Variants in PSMD13 observed in about 807,000 individuals in gnomAD.
PSMD13 encodes the protein 26S proteasome non-ATPase regulatory subunit 13.
Under a neutral mutation model 57.4 loss-of-function variants are expected in PSMD13, and 8 were observed. The observed-to-expected ratio is 0.14, with a 90% CI of 0.08 to 0.25. PSMD13 has a LOEUF of 0.25. Among genes scored for constraint, PSMD13 ranks in the 10% least tolerant of loss-of-function variants. PSMD13 has a pLI of 1.00. For synonymous variants in PSMD13, 193 were observed against 168.2 expected (o/e 1.15, Z -1.14); for missense variants, 400 against 461.5 (o/e 0.87, Z 1.22).
chr11:238,441 C>T (rs1859433017), intron 1 of PSMD13, among the ~76,000 whole-genome samples: 1 of 152,232 alleles, frequency 6.6e-6, no homozygotes, highest in Non-Finnish European at 1.5e-5. Flanking sequence ...AGGTTTATCA[C>T]ATCTGCTTTA....
At chr11:237,944 G>C (rs566831909) in intron 1 of PSMD13, among the ~76,000 whole-genome samples, 1 of 152,322 alleles carries the variant, frequency 6.6e-6, no homozygotes, top group Admixed American at 6.5e-5. Flanking sequence ...CTTTCACATA[G>C]ATGTTCCATA....
chr11:243,614 G>T (rs897659962), intron 2 of PSMD13: 30 of 372,986 alleles, frequency 8.0e-5, no homozygotes, highest in Non-Finnish European at 1.5e-4. Flanking sequence ...GTCCTGGTAG[G>T]CTGGGGACCA....
At chr11:243,628 G>A (rs993418660) in intron 2 of PSMD13, 6 of 371,264 alleles carry the variant, frequency 1.6e-5, no homozygotes, top group Non-Finnish European at 2.6e-5. Context: ...GGGACCACAC[G>A]GCAGCGCAGG....
At position 250,825 on chromosome 11, in the gene PSMD13, C is replaced by T; in HGVS notation, c.797C>T (p.Ala266Val). ...CAGCCTGATTTAGCAGCTAATGAAG[C>T]CCAGCTTCTGAGGAAAATTCAGTTG... ...GQQPDLAANE[A>V]QLLRKIQLLC... Residue 266 changes from alanine to valine, a missense_variant, in exon 10 of 13, where the codon GCC becomes GTC. By Grantham distance (64) the Ala-to-Val change is moderately conservative. Coordinates refer to ENST00000532097, the MANE Select transcript of PSMD13 (RefSeq NM_002817.4). The T allele has an allele frequency of 1.2e-6, 2 of 1,613,986 alleles. No homozygotes were observed. The highest frequency in any genetic ancestry group is 1.7e-6 in the Non-Finnish European group (2 of 1,179,950).
intron 1 of PSMD13, 37 bp from the exon 2 acceptor site, chr11:238,961 A>T (rs200854867): frequency 1.3e-6 from 2 of 1,572,030 alleles, no homozygotes; most frequent in East Asian, 4.5e-5. Flanking sequence ...GTGACTGGAT[A>T]TTAGGTTAGA....
chr11:251,686 C>T lies in PSMD13; in HGVS notation c.918+60C>T. The T allele has an allele frequency of 6.4e-7, 1 of 1,560,812 alleles. No individual in the cohort carries two copies. The highest frequency in any genetic ancestry group is 8.8e-7 in the Non-Finnish European group (1 of 1,134,522). On this transcript the variant is annotated intron_variant, in intron 11 of 12. Coordinates refer to ENST00000532097, the MANE Select transcript of PSMD13 (RefSeq NM_002817.4). The surrounding 1 kb of genome is among the most constrained non-coding windows in gnomAD (Gnocchi z 4.6). ...AAGCTGCCACATGGAGGAGTCAAGGCTCTTGTGTGAGCGCTGTGCTCCCTA... is the reference window on the plus strand; with the variant it reads ...AAGCTGCCACATGGAGGAGTCAAGGTTCTTGTGTGAGCGCTGTGCTCCCTA...
chr11:252,842 G>A lies in PSMD13; in HGVS notation c.*242G>A, dbSNP rs538884382. The A allele has an allele frequency of 3.8e-5, 18 of 469,606 alleles. No individual in the cohort carries two copies. The highest frequency in any genetic ancestry group is 2.7e-4 in the African/African-American group (14 of 51,702). The allele number at this position is 469,606 out of a possible 1,614,324, so 29.1% of individuals were successfully genotyped here. A position where few individuals can be genotyped will look rare whatever the true frequency, so the allele number is the denominator to read the frequency against. On this transcript the variant is annotated 3_prime_UTR_variant, in exon 13 of 13. Transcript: ENST00000532097. This position sits in a 1 kb window ranked among gnomAD's most constrained non-coding sequence, Gnocchi z 4.1. Reference sequence around the variant, plus strand: ...GGGGTCTCAGGGTCTTAGGTGATACGGGAGAGAAAGAACGTGCCAGGCAGG... The same window carrying A: ...GGGGTCTCAGGGTCTTAGGTGATACAGGAGAGAAAGAACGTGCCAGGCAGG...
In PSMD13 at chr11:252,797, G is replaced by A; in HGVS notation, c.*197G>A. The A allele has an allele frequency of 1.8e-6, 1 of 564,058 alleles. No individual in the cohort carries two copies. The highest frequency in any genetic ancestry group is 3.0e-5 in the East Asian group (1 of 33,442). The allele number at this position is 564,058 out of a possible 1,614,324, so 34.9% of individuals were successfully genotyped here. ...GCCACAGGGAGGAGGCTTCTTTGTG[G>A]GTCTCTCCTGCAGAGGGTGGGGGTC... is the stretch of plus-strand genomic sequence containing the variant. On this transcript the variant is annotated 3_prime_UTR_variant, in exon 13 of 13. Coordinates refer to ENST00000532097, the MANE Select transcript of PSMD13 (RefSeq NM_002817.4). This position sits in a 1 kb window ranked among gnomAD's most constrained non-coding sequence, Gnocchi z 4.1.
At chr11:240,887 A>C (rs768103603) in intron 2 of PSMD13, among the ~76,000 whole-genome samples, 12 of 152,180 alleles carry the variant, frequency 7.9e-5, no homozygotes, top group Non-Finnish European at 1.3e-4. Context: ...GCTGGAGTGC[A>C]ATGGCACAGT....
At chr11:242,731 C>T (rs1180410232) in intron 2 of PSMD13, among the ~76,000 whole-genome samples, 1 of 152,078 alleles carries the variant, frequency 6.6e-6, no homozygotes, top group Admixed American at 6.5e-5. Context: ...AATTAGAAGC[C>T]TCCATTCAGG....
chr11:243,100 G>A lies in PSMD13; in HGVS notation c.175-941G>A, dbSNP rs116076847. 2.9e-3 allele frequency: 1,598 copies of A among 556,746 alleles called. 19 individuals carry two copies. The highest frequency in any genetic ancestry group is 0.027 in the African/African-American group (1,448 of 53,632). The allele number at this position is 556,746 out of a possible 1,614,324, so 34.5% of individuals were successfully genotyped here. A position where few individuals can be genotyped will look rare whatever the true frequency, so the allele number is the denominator to read the frequency against. On this transcript the variant is annotated intron_variant, in intron 2 of 12. Coordinates refer to ENST00000532097, the MANE Select transcript of PSMD13 (RefSeq NM_002817.4). ...TGAGCCACTGCGCCCGGATGGTTAC[G>A]TCTTTTTCTTTCCCTTTTTTTACTT... is the stretch of plus-strand genomic sequence containing the variant.
intron 2 of PSMD13, among the ~76,000 whole-genome samples, chr11:239,704 C>CAAAT (rs940022210): frequency 2.6e-5 from 4 of 152,238 alleles, no homozygotes; most frequent in Admixed American, 2.6e-4. Flanking sequence ...CAGCAGTAGA[C>CAAAT]AAATACGCAC....
intron 2 of PSMD13, among the ~76,000 whole-genome samples, chr11:241,224 C>T (rs1002564499): frequency 6.6e-6 from 1 of 152,140 alleles, no homozygotes; most frequent in Admixed American, 6.6e-5. Context: ...CTGCAACCTC[C>T]GTCTCCCCAG....
At chr11:249,319 G>A (rs1305451137) in intron 9 of PSMD13, among the ~76,000 whole-genome samples, 1 of 151,996 alleles carries the variant, frequency 6.6e-6, no homozygotes, top group East Asian at 1.9e-4. Flanking sequence ...GGGTGGAGGG[G>A]GTGTCACAGA....
Position 252,393 on chromosome 11 carries a change from C to T in PSMD13, c.1036-112C>T. On this transcript the variant is annotated intron_variant, in intron 12 of 12. Coordinates refer to ENST00000532097, the MANE Select transcript of PSMD13 (RefSeq NM_002817.4). The surrounding 1 kb of genome is among the most constrained non-coding windows in gnomAD (Gnocchi z 4.1). The stretch of plus-strand genomic sequence containing the variant: ...TCAGAGGTCCTTTTTACTAGAGCTG[C>T]CCTAGAGAGTTAGCTGGAGATGTAG... 1 of 965,518 alleles carries T rather than the reference C, an allele frequency of 1.0e-6. No individual in the cohort carries two copies. Among genetic ancestry groups the T allele is most frequent in the Non-Finnish European group, 1.7e-6 (1 of 603,550 alleles). The allele number at this position is 965,518 out of a possible 1,614,324, so 59.8% of individuals were successfully genotyped here. A position where few individuals can be genotyped will look rare whatever the true frequency, so the allele number is the denominator to read the frequency against.
chr11:249,887 C>T (rs1859737834), intron 9 of PSMD13, among the ~76,000 whole-genome samples: 1 of 152,020 alleles, frequency 6.6e-6, no homozygotes, highest in Non-Finnish European at 1.5e-5. Context: ...AAAATTCATG[C>T]ATAGTGGAGC....
chr11:239,117 C>A, intron 2 of PSMD13, 41 bp downstream of exon 2: 1 of 1,521,008 alleles, frequency 6.6e-7, no homozygotes, highest in Admixed American at 1.7e-5. Context: ...TATGAATGTG[C>A]TCAAGGACTT....
intron 1 of PSMD13, 102 bp from the exon 2 acceptor site, chr11:238,896 G>A: frequency 8.6e-7 from 1 of 1,156,088 alleles, no homozygotes; most frequent in Non-Finnish European, 1.3e-6. Context: ...TTTTGGATTA[G>A]AGATACCCAA....
intron 5 of PSMD13, 99 bp downstream of exon 5, chr11:244,568 C>T: frequency 6.7e-7 from 1 of 1,492,648 alleles, no homozygotes; most frequent in Non-Finnish European, 9.3e-7. Flanking sequence ...TTAGAGACCA[C>T]AAGGCCTCTA....
Sources: gnomAD v4.1 joint callset for allele counts (sites outside exome capture counted in the v4.1 genomes callset) on GRCh38, gnomAD v4.1.1 for gene constraint, Gnocchi (gnomAD v3.1) non-coding constraint, MANE v1.5 for transcripts, NCBI Gene and HGNC (gene_info 2026-07-23, HGNC 2026-07-21) for gene names.